RAB7B: variants seen among roughly 807,000 people sequenced by gnomAD.
RAB7B encodes ras-related protein Rab-7b.
At chr1:205,990,907 C>G (rs1318866271) in intron 4 of RAB7B, among the ~76,000 whole-genome samples, 1 of 151,608 alleles carries the variant, frequency 6.6e-6, no homozygotes, top group Non-Finnish European at 1.5e-5. Context: ...CCTGCCTCAT[C>G]CTCCTGAGTA....
At chr1:205,983,745 G>A (rs1395581446) in intron 5 of RAB7B, 3 of 151,778 alleles carry the variant, frequency 2.0e-5, no homozygotes, top group Non-Finnish European at 2.9e-5. Context: ...GACCGACATG[G>A]ATTGCTACCC....
chr1:206,000,717 A>G (rs1660878287), intron 1 of RAB7B, among the ~76,000 whole-genome samples: 1 of 152,158 alleles, frequency 6.6e-6, no homozygotes, highest in Non-Finnish European at 1.5e-5. Context: ...GCCACTTCCT[A>G]TGGTGTAAAC....
chr1:205,982,768 C>A (rs962659435), intron 5 of RAB7B, among the ~76,000 whole-genome samples: 1 of 152,244 alleles, frequency 6.6e-6, no homozygotes, highest in Non-Finnish European at 1.5e-5. Context: ...CCTCTCAAAA[C>A]ACCCTGGGCT....
At chr1:205,986,804 C>T (rs1198088424) in intron 4 of RAB7B, among the ~76,000 whole-genome samples, 4 of 152,114 alleles carry the variant, frequency 2.6e-5, no homozygotes, top group African/African-American at 9.7e-5. Context: ...TTAGGGGAGC[C>T]AAGGTCTTTC....
intron 1 of RAB7B, among the ~76,000 whole-genome samples, chr1:205,994,628 A>G (rs1660779338): frequency 6.6e-6 from 1 of 152,208 alleles, no homozygotes; most frequent in Non-Finnish European, 1.5e-5. Context: ...GCAGAATCAA[A>G]AGGCTCCTCT....
At position 205,989,385 on chromosome 1, in the gene RAB7B, AC is replaced by A. The variant is rs1304493272; in HGVS notation, c.396+3094del. On this transcript the variant is annotated intron_variant, in intron 4 of 5. Coordinates refer to ENST00000617070, the MANE Select transcript of RAB7B (RefSeq NM_001164522.3). ...TCACCCACCCTGGGGCTTGGATTGG[AC>A]CCCCTCTACTCCCGCGAGTCACCAC... 3.3e-5 allele frequency among the ~76,000 whole-genome samples: 5 copies of A among 150,460 alleles called. No homozygotes were observed. In the East Asian group the frequency reaches 5.9e-4, roughly 18 times the overall value.
Position 205,981,044 on chromosome 1 carries a change from G to A in RAB7B, c.523-2116C>T, listed in dbSNP as rs1403109163. On this transcript the variant is annotated intron_variant, in intron 5 of 5. Coordinates refer to ENST00000617070, the MANE Select transcript of RAB7B (RefSeq NM_001164522.3). The stretch of plus-strand genomic sequence containing the variant: ...GCCTCCCAAGTAGCTGGGACTACAG[G>A]CATGTGCCACCATGCCCACCTAGTT... Among the ~76,000 whole-genome samples, 8 of 152,170 alleles carry A rather than the reference G, an allele frequency of 5.3e-5. No individual in the cohort carries two copies. In the South Asian group the frequency reaches 8.3e-4, roughly 16 times the overall value.
chr1:205,996,087 C>CT (rs36183142), intron 1 of RAB7B, among the ~76,000 whole-genome samples: 34,518 of 138,048 alleles, frequency 0.25, 4,531 homozygotes, highest in African/African-American at 0.3. Flanking sequence ...TTAATACATT[C>CT]TTTTTTTTTT....
intron 5 of RAB7B, among the ~76,000 whole-genome samples, chr1:205,979,882 G>A (rs1660457080): frequency 6.6e-6 from 1 of 152,164 alleles, no homozygotes; most frequent in South Asian, 2.1e-4. Context: ...CCAGGGACAG[G>A]GGTGCTGCCT....
rs1308928325 is a variant in RAB7B, at chr1:205,978,789, C to G, written c.*62G>C. On this transcript the variant is annotated 3_prime_UTR_variant, in exon 6 of 6. Transcript: ENST00000617070. ...AGGGGGATGGTCACCTGTTCTCAAG[C>G]CTGGGGTGACCAGGCTCGGGGCAGG... 2.5e-6 allele frequency: 1 copy of G among 398,370 alleles called. No homozygotes were observed. The allele number at this position is 398,370 out of a possible 1,614,324, so 24.7% of individuals were successfully genotyped here.
chr1:206,000,432 T>G (rs1660872668), intron 1 of RAB7B, among the ~76,000 whole-genome samples: 1 of 152,234 alleles, frequency 6.6e-6, no homozygotes, highest in Non-Finnish European at 1.5e-5. Flanking sequence ...AGAGTGAGGA[T>G]GTCTGGTGCC....
chr1:205,997,950 C>T lies in RAB7B; in HGVS notation c.-16-3799G>A, dbSNP rs961687838. On this transcript the variant is annotated intron_variant, in intron 1 of 5. Coordinates refer to ENST00000617070, the MANE Select transcript of RAB7B (RefSeq NM_001164522.3). ...AAGTATTCTACCGAGGGCAGGCCAT[C>T]TTCACTATTACCCTCTGAGACAAGT... 6.2e-3 allele frequency among the ~76,000 whole-genome samples: 947 copies of T among 152,338 alleles called. 7 individuals are homozygous for T. Among genetic ancestry groups the T allele is most frequent in the African/African-American group, 0.022 (898 of 41,572 alleles).
intron 4 of RAB7B, among the ~76,000 whole-genome samples, chr1:205,991,626 C>CTT (rs1660723021): frequency 6.6e-6 from 1 of 152,252 alleles, no homozygotes; most frequent in Admixed American, 6.5e-5. Flanking sequence ...CATAAACACA[C>CTT]TTTATCATGC....
chr1:205,988,734 G>A (rs1223888833), intron 4 of RAB7B, among the ~76,000 whole-genome samples: 5 of 152,146 alleles, frequency 3.3e-5, no homozygotes, highest in African/African-American at 4.8e-5. Context: ...GGAGGGAACC[G>A]GTCCAGGCTG....
At chr1:205,986,322 T>A (rs1313143138) in intron 4 of RAB7B, among the ~76,000 whole-genome samples, 1 of 152,182 alleles carries the variant, frequency 6.6e-6, no homozygotes, top group Non-Finnish European at 1.5e-5. Flanking sequence ...CATCTCATCC[T>A]CTCCATGACC....
chr1:205,979,064 C>T (rs1318999521), intron 5 of RAB7B, 136 bp from the exon 6 acceptor site: 1 of 391,904 alleles, frequency 2.6e-6, no homozygotes, highest in Non-Finnish European at 4.5e-6. Context: ...GAGGCCCAGA[C>T]AGGGAAGCCA....
intron 5 of RAB7B, among the ~76,000 whole-genome samples, chr1:205,981,138 T>A (rs1660484077): frequency 6.6e-6 from 1 of 152,028 alleles, no homozygotes. Context: ...AAACAATCCA[T>A]CTGCCTTGCC....
intron 4 of RAB7B, among the ~76,000 whole-genome samples, chr1:205,986,495 T>C (rs1486252050): frequency 1.3e-5 from 2 of 152,226 alleles, no homozygotes; most frequent in African/African-American, 4.8e-5. Flanking sequence ...TACAGGGCAC[T>C]GCATAAGAAC....
At chr1:205,979,809 CTGTGTATCACGCAAAA>C (rs1486654494) in intron 5 of RAB7B, among the ~76,000 whole-genome samples, 1 of 152,186 alleles carries the variant, frequency 6.6e-6, no homozygotes, top group Admixed American at 6.5e-5. Context: ...GCAGAGCATC[CTGTGTATCACGCAAAA>C]TTGTCCCTGG....
Sources: gnomAD v4.1 joint callset for allele counts (sites outside exome capture counted in the v4.1 genomes callset) on GRCh38, gnomAD v4.1.1 for gene constraint, MANE v1.5 for transcripts, NCBI Gene and HGNC (gene_info 2026-07-23, HGNC 2026-07-21) for gene names.